Variants in ACADM observed in about 807,000 individuals in gnomAD.
The protein encoded by ACADM is medium-chain specific acyl-CoA dehydrogenase, mitochondrial.
Under a neutral mutation model 58.9 loss-of-function variants are expected in ACADM, and 49 were observed. The ratio of observed to expected loss-of-function variants is 0.83; its 90% confidence interval spans 0.66 to 1.06. ACADM has a LOEUF of 1.06. Among genes scored for constraint, ACADM ranks in the 50% least tolerant of loss-of-function variants. The pLI, the probability that ACADM is intolerant of heterozygous loss-of-function variation, is 0.00. For missense variants in ACADM, 496 were observed against 507.0 expected (o/e 0.98, Z 0.21); for synonymous variants, 160 against 157.7 (o/e 1.01, Z -0.11).
intron 1 of ACADM, among the ~76,000 whole-genome samples, chr1:75,725,930 C>T (rs1570846435): frequency 6.6e-6 from 1 of 152,220 alleles, no homozygotes; most frequent in East Asian, 1.9e-4. Flanking sequence ...GCAATTATAA[C>T]TCCAGATCCC....
chr1:75,732,771 A>G (rs1167066318), intron 3 of ACADM, 30 bp downstream of exon 3: 26 of 1,606,320 alleles, frequency 1.6e-5, no homozygotes, highest in Non-Finnish European at 2.1e-5. Flanking sequence ...AGAGGGAAAA[A>G]TCTTTTACAT....
chr1:75,758,657 A>G (rs561200706), intron 10 of ACADM, among the ~76,000 whole-genome samples: 2 of 149,738 alleles, frequency 1.3e-5, no homozygotes, highest in African/African-American at 4.8e-5. Context: ...TAAACACACC[A>G]ATCAGTGCTC....
At chr1:75,744,792 C>A in intron 7 of ACADM, 1 of 579,860 alleles carries the variant, frequency 1.7e-6, no homozygotes, top group East Asian at 3.2e-5. Context: ...GCCGGGTCTC[C>A]GTTTTATATT....
chr1:75,743,273 C>T, intron 7 of ACADM: 1 of 829,122 alleles, frequency 1.2e-6, no homozygotes, highest in Non-Finnish European at 1.9e-6. Context: ...AAAGCTGTGA[C>T]TGCTGGTTAC....
At chr1:75,760,582 C>CAAAAAAAAAAAAAA (rs1553127079) in intron 10 of ACADM, among the ~76,000 whole-genome samples, 2 of 43,560 alleles carry the variant, frequency 4.6e-5, no homozygotes, top group Admixed American at 2.4e-4. Context: ...AAAAAAAAAT[C>CAAAAAAAAAAAAAA]AGGCAAACTG....
intron 7 of ACADM, among the ~76,000 whole-genome samples, chr1:75,740,478 C>T (rs1216226159): frequency 1.3e-5 from 2 of 152,094 alleles, no homozygotes; most frequent in Non-Finnish European, 2.9e-5. Flanking sequence ...TGGTATAGTG[C>T]CTGTCTCCAG....
chr1:75,750,914 A>G (rs527427807), intron 10 of ACADM: 223 of 320,552 alleles, frequency 7.0e-4, no homozygotes, highest in African/African-American at 4.5e-3. Context: ...ATGCCTGGCT[A>G]ATTTTTGTAT....
At chr1:75,737,843 A>G (rs1386005449) in intron 6 of ACADM, among the ~76,000 whole-genome samples, 2 of 152,134 alleles carry the variant, frequency 1.3e-5, no homozygotes, top group African/African-American at 4.8e-5. Flanking sequence ...GGTGTTCAAT[A>G]AATGTTAGAG....
intron 10 of ACADM, among the ~76,000 whole-genome samples, chr1:75,756,846 T>C (rs1767456): frequency 0.37 from 56,842 of 151,970 alleles, 11,662 homozygotes; most frequent in African/African-American, 0.55. Flanking sequence ...AGCATGGTAC[T>C]GGTACCAAAA....
intron 10 of ACADM, chr1:75,750,984 G>T: frequency 4.0e-6 from 1 of 251,752 alleles, no homozygotes; most frequent in South Asian, 4.9e-5. Context: ...GCCCGCCTCA[G>T]CCTCCCATAG....
rs745371854 is a variant in ACADM at position 75,732,840 on chromosome 1, C to T, written c.217-13C>T. 1 of 1,611,960 alleles carries T rather than the reference C, an allele frequency of 6.2e-7. No individual in the cohort carries two copies. ...TTTCAAAATATATTTTAACTCAGTT[C>T]TTTTTCTTCTAGTATCCAGTCCCCC... On this transcript the variant is annotated splice_polypyrimidine_tract_variant and intron_variant, in intron 3 of 11. Transcript: ENST00000370841.
intron 7 of ACADM, chr1:75,743,511 A>C (rs1647701222): frequency 6.2e-7 from 1 of 1,609,160 alleles, no homozygotes; most frequent in South Asian, 1.1e-5. Context: ...TCAGCCGGTG[A>C]TCATAGGTCA....
At chr1:75,734,746 C>T (rs773230951) in intron 5 of ACADM, 45 bp from the exon 6 acceptor site, 1 of 1,404,160 alleles carries the variant, frequency 7.1e-7, no homozygotes, top group East Asian at 2.3e-5. Flanking sequence ...ATTTACATAT[C>T]CAATAAAAAT....
chr1:75,738,079 C>G (rs2185435), intron 6 of ACADM, among the ~76,000 whole-genome samples: 45,367 of 151,120 alleles, frequency 0.3, 6,962 homozygotes, highest in Non-Finnish European at 0.34. Flanking sequence ...ACCACGCCTG[C>G]CTAATTTTTT....
At chr1:75,731,225 G>T (rs1647143225) in intron 2 of ACADM, among the ~76,000 whole-genome samples, 1 of 137,534 alleles carries the variant, frequency 7.3e-6, no homozygotes, top group Admixed American at 8.3e-5. Flanking sequence ...CTTGCAGTGA[G>T]CCTAGATTGC....
At chr1:75,756,139 CT>C (rs1179964914) in intron 10 of ACADM, among the ~76,000 whole-genome samples, 2 of 152,180 alleles carry the variant, frequency 1.3e-5, no homozygotes, top group Non-Finnish European at 2.9e-5. Flanking sequence ...GAAGAATTCC[CT>C]TTGAAAACTG....
chr1:75,735,650 C>T (rs944395025), intron 6 of ACADM, among the ~76,000 whole-genome samples: 4 of 151,964 alleles, frequency 2.6e-5, no homozygotes, highest in African/African-American at 9.7e-5. Context: ...GTTAGGAGTT[C>T]GAGACCAGCC....
intron 10 of ACADM, among the ~76,000 whole-genome samples, chr1:75,760,156 C>G (rs939850070): frequency 1.3e-5 from 2 of 150,146 alleles, no homozygotes; most frequent in African/African-American, 4.9e-5. Context: ...TGCGGTGGCT[C>G]ACACCTGTAA....
chr1:75,757,280 A>T (rs1245947782), intron 10 of ACADM, among the ~76,000 whole-genome samples: 2 of 152,220 alleles, frequency 1.3e-5, no homozygotes, highest in African/African-American at 4.8e-5. Context: ...CAACCTACAG[A>T]ATGGGAGAAA....
Sources: gnomAD v4.1 joint callset for allele counts (sites outside exome capture counted in the v4.1 genomes callset) on GRCh38, gnomAD v4.1.1 for gene constraint, MANE v1.5 for transcripts, NCBI Gene and HGNC (gene_info 2026-07-23, HGNC 2026-07-21) for gene names.